Variants in ABTB2 observed in about 807,000 individuals in gnomAD.
The protein encoded by ABTB2 is ankyrin repeat and BTB/POZ domain-containing protein 2.
Under a neutral mutation model 104.1 loss-of-function variants are expected in ABTB2, and 56 were observed. The ratio of observed to expected loss-of-function variants is 0.54; its 90% CI spans 0.43 to 0.67. The LOEUF (loss-of-function observed/expected upper bound fraction) is 0.67, where lower values mean the gene tolerates loss of function less well. Ranked by LOEUF, ABTB2 falls within the 30% of genes least tolerant of loss-of-function variation. The pLI, the probability that ABTB2 is intolerant of heterozygous loss-of-function variation, is 0.00. For missense variants in ABTB2, 1,279 were observed against 1,407.7 expected (o/e 0.91, Z 1.46); for synonymous variants, 606 against 608.2 (o/e 1.00, Z 0.05).
intron 4 of ABTB2, among the ~76,000 whole-genome samples, chr11:34,171,948 G>A (rs930357874): frequency 2.6e-5 from 4 of 152,174 alleles, no homozygotes; most frequent in Admixed American, 6.5e-5. Context: ...CATCACAGAC[G>A]TCCAGTTGGC....
intron 1 of ABTB2, among the ~76,000 whole-genome samples, chr11:34,292,023 C>T (rs1854569408): frequency 6.6e-6 from 1 of 152,020 alleles, no homozygotes; most frequent in Non-Finnish European, 1.5e-5. Context: ...GCCATATATA[C>T]TAATTTGCCA....
intron 1 of ABTB2, among the ~76,000 whole-genome samples, chr11:34,232,804 A>T (rs1014394474): frequency 3.3e-5 from 5 of 151,890 alleles, no homozygotes. Context: ...TTAAAAAAAA[A>T]TACATAATAA....
intron 3 of ABTB2, among the ~76,000 whole-genome samples, chr11:34,184,478 G>A (rs924244089): frequency 6.6e-6 from 1 of 152,220 alleles, no homozygotes; most frequent in South Asian, 2.1e-4. Flanking sequence ...ACAGCCATCT[G>A]TCCTTAGGAA....
chr11:34,322,900 ATGCT>A (rs1855023091), intron 1 of ABTB2, among the ~76,000 whole-genome samples: 3 of 152,084 alleles, frequency 2.0e-5, no homozygotes, highest in South Asian at 4.1e-4. Flanking sequence ...GTGGGAACAA[ATGCT>A]TGCTTGCTTA....
intron 1 of ABTB2, among the ~76,000 whole-genome samples, chr11:34,281,999 T>C (rs1012879174): frequency 6.6e-6 from 1 of 152,242 alleles, no homozygotes; most frequent in Non-Finnish European, 1.5e-5. Context: ...TGAGCTGTTC[T>C]AGCAAAATAC....
chr11:34,208,095 A>G (rs1853431520), intron 1 of ABTB2, among the ~76,000 whole-genome samples: 1 of 152,148 alleles, frequency 6.6e-6, no homozygotes, highest in African/African-American at 2.4e-5. Context: ...TCTCTCTCCC[A>G]CATCAGCTCA....
chr11:34,343,083 C>T (rs1463237405), intron 1 of ABTB2, among the ~76,000 whole-genome samples: 1 of 152,112 alleles, frequency 6.6e-6, no homozygotes, highest in Non-Finnish European at 1.5e-5. Flanking sequence ...AATCCTGCTG[C>T]CTCAGCCTCC....
At chr11:34,211,296 T>C (rs186375133) in intron 1 of ABTB2, among the ~76,000 whole-genome samples, 2 of 152,242 alleles carry the variant, frequency 1.3e-5, no homozygotes, top group East Asian at 1.9e-4. Context: ...TTTGGAGAGA[T>C]GGAGTTTTTG....
intron 1 of ABTB2, among the ~76,000 whole-genome samples, chr11:34,300,023 C>G (rs1003128798): frequency 1.4e-4 from 21 of 152,178 alleles, no homozygotes; most frequent in African/African-American, 4.8e-4. Flanking sequence ...AGTCAGAGCT[C>G]TCTGCCTCCT....
chr11:34,170,969 C>T lies in ABTB2; in HGVS notation c.1500G>A (p.Thr500=), dbSNP rs749917908. The T allele has an allele frequency of 4.7e-5, 76 of 1,614,056 alleles. No individual in the cohort carries two copies. Among genetic ancestry groups the T allele is most frequent in the Non-Finnish European group, 5.6e-5 (66 of 1,180,050 alleles). ...CCTCGATGGCTTGGTTGATGAGGTC[C>T]GTCCTCCCACAGTTGAGCATGCGGA... is the stretch of plus-strand genomic sequence containing the variant. The part of the protein sequence containing the change: ...LGFRMLNCGR[T]DLINQAIEAL... The change falls in exon 5 of 17, where the codon ACG becomes ACA. Residue 500 remains threonine, a synonymous_variant. Transcript: ENST00000435224.
chr11:34,251,846 A>G (rs1427137709), intron 1 of ABTB2, among the ~76,000 whole-genome samples: 3 of 78,584 alleles, frequency 3.8e-5, no homozygotes, highest in Non-Finnish European at 2.8e-5. Flanking sequence ...ACCGCAGACT[A>G]AAAAAACAGG....
intron 1 of ABTB2, among the ~76,000 whole-genome samples, chr11:34,336,956 C>T (rs1304341312): frequency 6.6e-6 from 1 of 152,166 alleles, no homozygotes; most frequent in Non-Finnish European, 1.5e-5. Flanking sequence ...CCCTATCTTA[C>T]AGACAAGTAA....
intron 1 of ABTB2, among the ~76,000 whole-genome samples, chr11:34,293,060 G>A (rs1854580484): frequency 6.6e-6 from 1 of 152,206 alleles, no homozygotes; most frequent in Admixed American, 6.5e-5. Flanking sequence ...AAGAGTGAGG[G>A]CTGTGCCTCA....
At chr11:34,253,527 T>G (rs1854080612) in intron 1 of ABTB2, among the ~76,000 whole-genome samples, 1 of 151,848 alleles carries the variant, frequency 6.6e-6, no homozygotes. Context: ...AATACAAAAA[T>G]TAGCCAGGCA....
rs1306826001 is a variant in ABTB2, at chr11:34,161,001, G to C, written c.2299C>G (p.Leu767Val). Residue 767 changes from leucine to valine, a missense_variant, in exon 11 of 17, where the codon CTC becomes GTC. Physicochemically the swap from Leu to Val is conservative, Grantham distance 32 (BLOSUM62 1). Transcript: ENST00000435224. The part of the protein sequence containing the change: ...SQSRYSVVQS[L>V]LRDFSSIREE... The stretch of plus-strand genomic sequence containing the variant: ...CTGATGGAGCTGAAGTCCCGCAGGA[G>C]GCTCTGCACCACCGAGTACCGCGAC... 1 of 1,613,798 alleles carries C rather than the reference G, an allele frequency of 6.2e-7. No individual in the cohort carries two copies. Among genetic ancestry groups the C allele is most frequent in the African/African-American group, 1.3e-5 (1 of 75,034 alleles).
chr11:34,221,797 G>A (rs557969695), intron 1 of ABTB2, among the ~76,000 whole-genome samples: 5 of 152,344 alleles, frequency 3.3e-5, no homozygotes, highest in African/African-American at 1.2e-4. Context: ...CCAGCACTTT[G>A]GGAGGCCAAG....
chr11:34,162,786 G>A lies in ABTB2; in HGVS notation c.2008C>T (p.Leu670=). ...GCTTTAGCCTGCTGTGGCTGCGTCA[G>A]GAGCTTCCTCAGGACGTTCCTGCAG... The part of the protein sequence containing the change: ...HGHRNVLRKL[L]TQPQQAKADV... The change falls in exon 10 of 17, where the codon CTG becomes TTG. Residue 670 remains leucine, a synonymous_variant. Transcript: ENST00000435224. 6.2e-7 allele frequency: 1 copy of A among 1,605,546 alleles called. No homozygotes were observed. The highest frequency in any genetic ancestry group is 1.1e-5 in the South Asian group (1 of 91,018).
At chr11:34,294,719 T>A (rs2611124) in intron 1 of ABTB2, among the ~76,000 whole-genome samples, 59,927 of 135,252 alleles carry the variant, frequency 0.44, 12,067 homozygotes, top group East Asian at 0.62. Context: ...ACAAAAACAA[T>A]TTTTTTTTTT....
At chr11:34,202,282 T>C (rs149596311) in intron 2 of ABTB2, among the ~76,000 whole-genome samples, 4 of 152,286 alleles carry the variant, frequency 2.6e-5, no homozygotes, top group Non-Finnish European at 5.9e-5. Flanking sequence ...AGGACCAATG[T>C]ACTTGAGGAT....
Sources: gnomAD v4.1 joint callset for allele counts (sites outside exome capture counted in the v4.1 genomes callset) on GRCh38, gnomAD v4.1.1 for gene constraint, MANE v1.5 for transcripts, NCBI Gene and HGNC (gene_info 2026-07-23, HGNC 2026-07-21) for gene names.